Variants in MAP7D3 observed in about 807,000 individuals in gnomAD.
MAP7D3 encodes MAP7 domain-containing protein 3.
In MAP7D3, 45 loss-of-function variants were observed where a neutral mutation model predicts 62.2. The ratio of observed to expected loss-of-function variants is 0.72; its 90% confidence interval spans 0.57 to 0.93. MAP7D3 has a LOEUF of 0.93. Among genes scored for constraint, MAP7D3 ranks in the 40% least tolerant of loss-of-function variants. MAP7D3 has a pLI of 0.00. For synonymous variants in MAP7D3, 288 were observed against 248.8 expected, an observed-to-expected ratio of 1.16 and a Z score of -1.48; for missense variants, 711 against 683.1, an observed-to-expected ratio of 1.04 and a Z score of -0.45.
intron 14 of MAP7D3, 68 bp downstream of exon 14, chrX:136,224,759 G>A: frequency 2.7e-6 from 2 of 737,499 alleles, no homozygotes; most frequent in Non-Finnish European, 4.1e-6. Flanking sequence ...TGGGTAAAGT[G>A]AAAAACTCGG....
intron 3 of MAP7D3, among the ~76,000 whole-genome samples, chrX:136,245,226 C>T (rs1044571682): frequency 8.9e-6 from 1 of 111,935 alleles, no homozygotes; most frequent in Admixed American, 9.5e-5. Context: ...AAGTCCTCAT[C>T]TATACAGACC....
At chrX:136,245,401 G>A (rs2074435892) in intron 3 of MAP7D3, among the ~76,000 whole-genome samples, 2 of 111,901 alleles carry the variant, frequency 1.8e-5, no homozygotes, top group Non-Finnish European at 3.8e-5. Flanking sequence ...TTGGTAACAT[G>A]CTTTTCATCT....
At chrX:136,239,368 G>A (rs919886471) in intron 6 of MAP7D3, among the ~76,000 whole-genome samples, 1 of 112,439 alleles carries the variant, frequency 8.9e-6, no homozygotes, top group Non-Finnish European at 1.9e-5. Context: ...CCATTAGGAA[G>A]AGTTGTAAAG....
At chrX:136,255,326 A>G (rs567271561), upstream of MAP7D3, among the ~76,000 whole-genome samples, 137 of 113,141 alleles carry the variant, frequency 1.2e-3, no homozygotes, top group African/African-American at 4.0e-3. Context: ...AAAAATTCAA[A>G]CAAGGTCCAT....
downstream of MAP7D3, chrX:136,213,273 C>A (rs987387876): frequency 9.0e-6 from 1 of 111,491 alleles, no homozygotes; most frequent in Non-Finnish European, 1.9e-5. Flanking sequence ...GAGTGACACC[C>A]CTAAGGCTCA....
intron 7 of MAP7D3, among the ~76,000 whole-genome samples, chrX:136,235,994 T>G (rs2074325384): frequency 8.9e-6 from 1 of 112,176 alleles, no homozygotes; most frequent in African/African-American, 3.2e-5. Context: ...TCTATACCAA[T>G]ATTCTGTGAT....
At position 136,230,426 on chromosome X, in the gene MAP7D3, T is replaced by C. The variant is rs755596289; in HGVS notation, c.1709A>G (p.Asn570Ser). 3.3e-6 allele frequency: 4 copies of C among 1,200,383 alleles called. No homozygotes were observed. The highest frequency in any genetic ancestry group is 3.5e-5 in the African/African-American group (2 of 56,923). ...CCTTTGGCTCAAAGCCTCACATCTG[T>C]TAGTGGTTTTAGAAACTGTTTCTTT... ...KKKETVSKTT[N>S]RCEALSQRHM... The change falls in exon 10 of 19, where the codon AAC (asparagine) becomes AGC (serine). Residue 570 changes from asparagine (N) to serine (S), a missense_variant. Coordinates refer to ENST00000316077, the MANE Select transcript of MAP7D3 (RefSeq NM_024597.4).
At chrX:136,218,741 G>A (rs971619705) in intron 18 of MAP7D3, among the ~76,000 whole-genome samples, 1 of 111,861 alleles carries the variant, frequency 8.9e-6, no homozygotes, top group Non-Finnish European at 1.9e-5. Context: ...GAAACAGGTT[G>A]AGGCTTATTC....
At chrX:136,240,535 A>G in intron 5 of MAP7D3, 49 bp from the exon 6 acceptor site, 1 of 843,487 alleles carries the variant, frequency 1.2e-6, no homozygotes, top group Non-Finnish European at 1.8e-6. Flanking sequence ...AGGAGGAAAG[A>G]ATCATTAACT....
In MAP7D3 at chrX:136,224,806, T is replaced by TG. The variant is rs759973166; in HGVS notation, c.2193+20dup. On this transcript the variant is annotated intron_variant, in intron 14 of 18. Transcript: ENST00000316077. ...AACAAGAGGCATTCTTATACACTGC[T>TG]GGTAGGAGTATGGAGACTACCTTTG... is the stretch of plus-strand genomic sequence containing the variant. 8.0e-6 allele frequency: 9 copies of TG among 1,119,642 alleles called. No homozygotes were observed. In the South Asian group the frequency reaches 1.7e-4, roughly 21 times the overall value. 92.3% of individuals were successfully genotyped at this position (1,119,642 alleles called of 1,213,427 possible).
At chrX:136,219,349 T>A in intron 18 of MAP7D3, 49 bp downstream of exon 18, 1 of 769,533 alleles carries the variant, frequency 1.3e-6, no homozygotes, top group Non-Finnish European at 1.9e-6. Context: ...GGGAGCGGGT[T>A]CAGGGTCAAT....
rs544290209 is a variant in MAP7D3 at position 136,229,990 on chromosome X, TATA to T, written c.1750+392_1750+394del. 7.0e-3 allele frequency among the ~76,000 whole-genome samples: 385 copies of T among 54,739 alleles called. 4 individuals are homozygous for T. The highest frequency in any genetic ancestry group is 0.011 in the African/African-American group (152 of 13,797). 47.5% of individuals were successfully genotyped at this position (54,739 alleles called of 115,157 possible). ...ATATATATATATATATATATATATA[TATA>T]TTTTTTTTTTTTTTGTAGAAACAGG... On this transcript the variant is annotated intron_variant, in intron 10 of 18. Transcript: ENST00000316077.
intron 5 of MAP7D3, 125 bp from the exon 6 acceptor site, chrX:136,240,611 A>C: frequency 2.2e-6 from 1 of 460,059 alleles, no homozygotes; most frequent in Non-Finnish European, 3.8e-6. Flanking sequence ...CAAGTTCACA[A>C]TATCACTGCC....
chrX:136,227,539 T>C, intron 11 of MAP7D3, 108 bp from the exon 12 acceptor site: 3 of 491,327 alleles, frequency 6.1e-6, no homozygotes, highest in Non-Finnish European at 9.8e-6. Flanking sequence ...ATATAATTTA[T>C]ATCCACACCA....
intron 12 of MAP7D3, among the ~76,000 whole-genome samples, chrX:136,226,900 G>A (rs963762783): frequency 1.8e-5 from 2 of 110,758 alleles, no homozygotes; most frequent in African/African-American, 3.3e-5. Flanking sequence ...AAGCTGAGGC[G>A]GGCGGATCAC....
At chrX:136,229,910 C>T (rs147280937) in intron 10 of MAP7D3, among the ~76,000 whole-genome samples, 2,035 of 99,739 alleles carry the variant, frequency 0.02, 71 homozygotes, top group African/African-American at 0.072. Flanking sequence ...AACCCCCTAA[C>T]CGAATATATA....
chrX:136,245,446 T>C (rs1042048004), intron 3 of MAP7D3, among the ~76,000 whole-genome samples: 1 of 112,101 alleles, frequency 8.9e-6, no homozygotes, highest in African/African-American at 3.2e-5. Context: ...TTTATTTTCA[T>C]TTTTAGAATA....
chrX:136,242,980 A>G (rs1235765592), intron 4 of MAP7D3, among the ~76,000 whole-genome samples: 1 of 111,768 alleles, frequency 8.9e-6, no homozygotes, highest in Non-Finnish European at 1.9e-5. Context: ...ACCACAGAAA[A>G]GGGTTCAGAA....
At position 136,243,339 on chromosome X, in the gene MAP7D3, C is replaced by T. The variant is rs374109507; in HGVS notation, c.417+1293G>A. Among the ~76,000 whole-genome samples, 124 of 111,927 alleles carry T rather than the reference C, an allele frequency of 1.1e-3. 1 individual carries two copies. The highest frequency in any genetic ancestry group is 3.8e-3 in the African/African-American group (118 of 30,883). ...CAAAGACAGAATAAAGAAAATCAAG[C>T]TGCCTCAGGCAGAAAAAGGCCAGAG... On this transcript the variant is annotated intron_variant, in intron 4 of 18. Coordinates refer to ENST00000316077, the MANE Select transcript of MAP7D3 (RefSeq NM_024597.4).
Sources: allele counts gnomAD v4.1 joint callset (sites outside exome capture counted in the v4.1 genomes callset), GRCh38; gene constraint gnomAD v4.1.1; transcripts MANE v1.5; gene names NCBI Gene and HGNC (gene_info 2026-07-23, HGNC 2026-07-21).